The following HIPK2 variants were observed in gnomAD, a reference collection of about 807,000 sequenced individuals.
The protein encoded by HIPK2 is homeodomain interacting protein kinase 2.
A neutral mutation model predicts 113.7 loss-of-function variants in HIPK2; 27 were observed. The ratio of observed to expected loss-of-function variants is 0.24; its 90% CI spans 0.17 to 0.33. The LOEUF is 0.33. Among genes scored for constraint, HIPK2 ranks in the 10% least tolerant of loss-of-function variants. The pLI, the probability that HIPK2 is intolerant of heterozygous loss-of-function variation, is 1.00. For missense variants in HIPK2, 1,257 were observed against 1,588.0 expected (o/e 0.79, Z 3.54); for synonymous variants, 631 against 642.2 (o/e 0.98, Z 0.26).
chr7:139,722,836 G>A lies in HIPK2; in HGVS notation c.20-5821C>T, dbSNP rs147005314. On this transcript the variant is annotated intron_variant, in intron 1 of 14. Transcript: ENST00000406875. ...TGATAAGTGAAAAAAATCAGACCCTGACCCCAGAAGTTCAAACCTAGATCT... is the reference window on the plus strand; with the variant it reads ...TGATAAGTGAAAAAAATCAGACCCTAACCCCAGAAGTTCAAACCTAGATCT... 3.0e-3 allele frequency among the ~76,000 whole-genome samples: 463 copies of A among 152,040 alleles called. 2 individuals are homozygous for A. Among genetic ancestry groups the A allele is most frequent in the African/African-American group, 0.011 (439 of 41,472 alleles).
chr7:139,738,726 TA>T (rs1033864252), intron 1 of HIPK2, among the ~76,000 whole-genome samples: 4 of 152,164 alleles, frequency 2.6e-5, no homozygotes, highest in African/African-American at 9.7e-5. Context: ...AATCTGGGTA[TA>T]GGGGTAGTCT....
At chr7:139,665,500 G>A (rs1327375842) in intron 2 of HIPK2, among the ~76,000 whole-genome samples, 1 of 152,096 alleles carries the variant, frequency 6.6e-6, no homozygotes, top group Non-Finnish European at 1.5e-5. Flanking sequence ...TTATGCCCTA[G>A]CTATGCATGC....
intron 1 of HIPK2, among the ~76,000 whole-genome samples, chr7:139,751,696 G>T (rs1348466486): frequency 6.6e-6 from 1 of 152,098 alleles, no homozygotes; most frequent in Non-Finnish European, 1.5e-5. Flanking sequence ...GCACTAAACT[G>T]CATGCATTGA....
At chr7:139,724,947 A>G (rs998614898) in intron 1 of HIPK2, among the ~76,000 whole-genome samples, 4 of 152,184 alleles carry the variant, frequency 2.6e-5, no homozygotes, top group African/African-American at 9.7e-5. Context: ...CTATGCAGCC[A>G]TACAGAATTC....
chr7:139,694,212 G>A lies in HIPK2; in HGVS notation c.1103+21720C>T, dbSNP rs148315138. ...GCTCTTTCTGACTCATGAAATAAACGGATGAACTTTAATCCATCCTCCTGT... is the reference window on the plus strand; with the variant it reads ...GCTCTTTCTGACTCATGAAATAAACAGATGAACTTTAATCCATCCTCCTGT... On this transcript the variant is annotated intron_variant, in intron 2 of 14. Transcript: ENST00000406875. Among the ~76,000 whole-genome samples, 193 of 152,184 alleles carry A rather than the reference G, an allele frequency of 1.3e-3. 1 individual carries two copies. The highest frequency in any genetic ancestry group is 4.1e-3 in the African/African-American group (169 of 41,518).
chr7:139,766,297 T>C (rs1796552200), intron 1 of HIPK2, among the ~76,000 whole-genome samples: 1 of 152,260 alleles, frequency 6.6e-6, no homozygotes. Flanking sequence ...TATTAGCTGT[T>C]ATGATCATCT....
At chr7:139,626,476 T>C in intron 6 of HIPK2, 125 bp downstream of exon 6, 1 of 963,554 alleles carries the variant, frequency 1.0e-6, no homozygotes. Context: ...TGTGGCTGCT[T>C]TCAGCTACAG....
Position 139,651,455 on chromosome 7 carries a change from C to T in HIPK2, c.1104-19730G>A, listed in dbSNP as rs554076713. ...CTGAAAATCAAAAGCTCTGGCAACT[C>T]TGGGCCACTTGTCAGTTCGTGGTCA... On this transcript the variant is annotated intron_variant, in intron 2 of 14. Transcript: ENST00000406875. Among the ~76,000 whole-genome samples the T allele has an allele frequency of 1.1e-3, 162 of 152,332 alleles. 2 individuals carry two copies. The South Asian group carries it at 0.031, about 30-fold the overall frequency.
chr7:139,680,143 A>C (rs1315458867), intron 2 of HIPK2, among the ~76,000 whole-genome samples: 2 of 152,200 alleles, frequency 1.3e-5, no homozygotes, highest in East Asian at 3.9e-4. Context: ...AACAGAATTC[A>C]GCATAAGTTC....
rs1169873751 is a variant in HIPK2, at chr7:139,604,061, T to C, written c.2255+20A>G. ...CCATCCCAGACACACCCACTCACCC[T>C]AGAGGGGTTTCCTGCTTACCTCCAG... is the stretch of plus-strand genomic sequence containing the variant. On this transcript the variant is annotated intron_variant, in intron 10 of 14. Coordinates refer to ENST00000406875, the MANE Select transcript of HIPK2 (RefSeq NM_022740.5). 1 of 1,613,628 alleles carries C rather than the reference T, an allele frequency of 6.2e-7. No individual in the cohort carries two copies. The highest frequency in any genetic ancestry group is 8.5e-7 in the Non-Finnish European group (1 of 1,179,776).
Position 139,618,565 on chromosome 7 carries a change from T to C in HIPK2, c.1782+1836A>G, listed in dbSNP as rs768502689. 3.3e-5 allele frequency among the ~76,000 whole-genome samples: 5 copies of C among 152,318 alleles called. No homozygotes were observed. In the East Asian group the frequency reaches 9.6e-4, roughly 29 times the overall value. ...CGGGTGTTCTTATTTGACAACTGCC[T>C]TTTGATGAGCAACCCTTTTAGTTTT... On this transcript the variant is annotated intron_variant, in intron 7 of 14. Coordinates refer to ENST00000406875, the MANE Select transcript of HIPK2 (RefSeq NM_022740.5).
At chr7:139,633,095 C>CAAAAAAAAAAAAAAA (rs942820284) in intron 2 of HIPK2, among the ~76,000 whole-genome samples, 71 of 74,624 alleles carry the variant, frequency 9.5e-4, no homozygotes, top group African/African-American at 3.0e-3. Flanking sequence ...GACCCTGTCT[C>CAAAAAAAAAAAAAAA]AAAAAAAAAA....
At position 139,649,095 on chromosome 7, in the gene HIPK2, G is replaced by A. The variant is rs1025149956; in HGVS notation, c.1104-17370C>T. On this transcript the variant is annotated intron_variant, in intron 2 of 14. Coordinates refer to ENST00000406875, the MANE Select transcript of HIPK2 (RefSeq NM_022740.5). ...AGAACAATGCAGGCCATCTATCATA[G>A]CAGCCTCTAACCTAGAGGTGACTTG... Among the ~76,000 whole-genome samples, 6 of 152,270 alleles carry A rather than the reference G, an allele frequency of 3.9e-5. No homozygotes were observed. In the East Asian group the frequency reaches 9.7e-4, roughly 25 times the overall value.
chr7:139,759,574 G>A (rs1049145107), intron 1 of HIPK2, among the ~76,000 whole-genome samples: 4 of 152,198 alleles, frequency 2.6e-5, no homozygotes, highest in East Asian at 3.9e-4. Flanking sequence ...TCAACAAAAT[G>A]GAGTACTCTA....
intron 2 of HIPK2, among the ~76,000 whole-genome samples, chr7:139,639,315 T>G (rs906710020): frequency 2.0e-5 from 3 of 152,222 alleles, no homozygotes; most frequent in Non-Finnish European, 2.9e-5. Context: ...TGCTAAAGCA[T>G]GCTTAATCTT....
chr7:139,719,106 G>A (rs1372934358), intron 1 of HIPK2, among the ~76,000 whole-genome samples: 1 of 152,054 alleles, frequency 6.6e-6, no homozygotes, highest in Non-Finnish European at 1.5e-5. Flanking sequence ...ATTGCACACT[G>A]TGTGCTCGGG....
Position 139,714,664 on chromosome 7 carries a change from G to C in HIPK2, c.1103+1268C>G, listed in dbSNP as rs1165965494. Among the ~76,000 whole-genome samples the C allele has an allele frequency of 1.3e-5, 2 of 152,208 alleles. No homozygotes were observed. The highest frequency in any genetic ancestry group is 2.9e-5 in the Non-Finnish European group (2 of 68,030). On this transcript the variant is annotated intron_variant, in intron 2 of 14. Transcript: ENST00000406875. The surrounding 1 kb of genome is among the most constrained non-coding windows in gnomAD (Gnocchi z 4.2). ...TGCTTGCAAGCAGGATGGCCTCCGG[G>C]GACCCCGGTCTTCCTGCCTACGTGG...
chr7:139,696,247 T>G (rs1005094319), intron 2 of HIPK2, among the ~76,000 whole-genome samples: 9 of 152,130 alleles, frequency 5.9e-5, no homozygotes, highest in Admixed American at 5.9e-4. Context: ...AATATAATTA[T>G]CCATGTGGCA....
intron 2 of HIPK2, among the ~76,000 whole-genome samples, chr7:139,687,492 T>A (rs527851661): frequency 6.6e-6 from 1 of 152,334 alleles, no homozygotes; most frequent in East Asian, 1.9e-4. Flanking sequence ...GGTTGGGATA[T>A]AGAATACATT....
Sources: allele counts gnomAD v4.1 joint callset (sites outside exome capture counted in the v4.1 genomes callset), GRCh38; gene constraint gnomAD v4.1.1; non-coding constraint Gnocchi (gnomAD v3.1); transcripts MANE v1.5; gene names NCBI Gene and HGNC (gene_info 2026-07-23, HGNC 2026-07-21).